ZBBX: variants seen among roughly 807,000 people sequenced by gnomAD.
ZBBX encodes zinc finger B-box domain containing.
ZBBX carries 101 observed loss-of-function variants against 108.5 expected under a neutral mutation model. The observed-to-expected ratio is 0.93, with a 90% CI of 0.79 to 1.10. The LOEUF (loss-of-function observed/expected upper bound fraction) is 1.10, where lower values mean the gene tolerates loss of function less well. ZBBX is among the 50% of genes least tolerant of loss of function. The probability of loss-of-function intolerance (pLI) is 0.00; values close to 1 mark genes in which losing one functional copy is unlikely to be tolerated. For synonymous variants in ZBBX, 356 were observed against 323.4 expected (o/e 1.10, Z -1.08); for missense variants, 1,009 against 941.4 (o/e 1.07, Z -0.94).
chr3:167,359,652 A>C (rs1442757374), intron 8 of ZBBX, among the ~76,000 whole-genome samples: 1 of 152,144 alleles, frequency 6.6e-6, no homozygotes, highest in Admixed American at 6.6e-5. Flanking sequence ...ATGTCTTTAA[A>C]CAAGAATGAG....
the ZBBX span, among the ~76,000 whole-genome samples, chr3:167,221,788 A>G: frequency 6.6e-6 from 1 of 152,030 alleles, no homozygotes; most frequent in African/African-American, 2.4e-5. Flanking sequence ...GAAGACATAC[A>G]TATGGCAAAA....
chr3:167,328,061 A>G lies in ZBBX; in HGVS notation c.743T>C (p.Leu248Ser). ...TTCTTCATCGAATGACCCTTCACAC[A>G]ACAGACTCTTTCTTGGTTTTGTACG... ...AQRTKPRKSLLCEGSFDEEAS... is the reference protein window; with the variant it reads ...AQRTKPRKSLSCEGSFDEEAS... The change falls in exon 11 of 22, where the codon TTG (leucine) becomes TCG (serine). Residue 248 changes from leucine to serine, a missense_variant. By Grantham distance (145) the Leu-to-Ser change is moderately radical (BLOSUM62 -2). Transcript: ENST00000675490. The G allele has an allele frequency of 6.2e-7, 1 of 1,613,964 alleles. No individual in the cohort carries two copies. Among genetic ancestry groups the G allele is most frequent in the Middle Eastern group, 1.6e-4 (1 of 6,062 alleles).
intron 20 of ZBBX, among the ~76,000 whole-genome samples, chr3:167,264,137 T>A (rs1476048340): frequency 6.6e-6 from 1 of 152,224 alleles, no homozygotes. Flanking sequence ...CAACACATCA[T>A]TGGGCTTTAT....
At chr3:167,246,281 A>G (rs1721558728) in intron 20 of ZBBX, among the ~76,000 whole-genome samples, 1 of 152,220 alleles carries the variant, frequency 6.6e-6, no homozygotes, top group Admixed American at 6.5e-5. Context: ...TAAAGCAAAA[A>G]GACTGTCATT....
At chr3:167,387,625 C>T (rs1323241078) in intron 1 of ZBBX, among the ~76,000 whole-genome samples, 1 of 151,944 alleles carries the variant, frequency 6.6e-6, no homozygotes, top group African/African-American at 2.4e-5. Context: ...ATACAAGGGA[C>T]TCAAGAGACG....
chr3:167,291,026 G>A (rs146578286), intron 18 of ZBBX, among the ~76,000 whole-genome samples: 5,776 of 152,024 alleles, frequency 0.038, 172 homozygotes, highest in Non-Finnish European at 0.056. Flanking sequence ...TGAAAGAAAC[G>A]AACAAAGCCT....
In ZBBX at chr3:167,252,052, C is replaced by T. The variant is rs1038228205; in HGVS notation, c.2255-9409G>A. ...GAAACTGTTTCCTTAAACACCTCTG[C>T]CCTTCTCAGGTACTTCTAGAATGGC... On this transcript the variant is annotated intron_variant, in intron 20 of 21. Transcript: ENST00000675490. The T allele has an allele frequency of 9.4e-6, 9 of 956,132 alleles. No homozygotes were observed. In the Admixed American group the frequency reaches 2.1e-4, roughly 22 times the overall value. 59.2% of individuals were successfully genotyped at this position (956,132 alleles called of 1,614,324 possible).
At chr3:167,387,513 A>G (rs1696243767) in intron 1 of ZBBX, among the ~76,000 whole-genome samples, 1 of 152,008 alleles carries the variant, frequency 6.6e-6, no homozygotes, top group Non-Finnish European at 1.5e-5. Context: ...GCGTGGGTGA[A>G]ATTACTGTTC....
chr3:167,272,522 C>T (rs933568257), intron 20 of ZBBX, among the ~76,000 whole-genome samples: 7 of 152,176 alleles, frequency 4.6e-5, no homozygotes, highest in East Asian at 1.9e-4. Flanking sequence ...CCGTCCACCC[C>T]GAAGTCATGG....
intron 8 of ZBBX, 105 bp from the exon 9 acceptor site, chr3:167,350,620 T>A: frequency 1.4e-6 from 1 of 725,166 alleles, no homozygotes; most frequent in Non-Finnish European, 2.1e-6. Flanking sequence ...ATTTCTCTAA[T>A]TAAATACCTA....
chr3:167,249,869 T>G (rs1722270130), intron 20 of ZBBX, among the ~76,000 whole-genome samples: 1 of 152,174 alleles, frequency 6.6e-6, no homozygotes, highest in South Asian at 2.1e-4. Flanking sequence ...TAAATAATCC[T>G]AAATGGGATC....
chr3:167,321,168 ATCT>A (rs1736374071), intron 12 of ZBBX, among the ~76,000 whole-genome samples: 1 of 151,992 alleles, frequency 6.6e-6, no homozygotes, highest in Non-Finnish European at 1.5e-5. Context: ...CCATCTGTAT[ATCT>A]TCTTTTCAAA....
chr3:167,192,437 TGAAA>T, the ZBBX span, among the ~76,000 whole-genome samples: 2 of 152,170 alleles, frequency 1.3e-5, no homozygotes, highest in African/African-American at 4.8e-5. Context: ...TTCAGGACTT[TGAAA>T]ACATCATTCT....
intron 1 of ZBBX, among the ~76,000 whole-genome samples, chr3:167,386,034 CA>C (rs1465971751): frequency 1.3e-5 from 2 of 151,822 alleles, no homozygotes; most frequent in Admixed American, 1.3e-4. Flanking sequence ...AACAGGAGTC[CA>C]AACTGAACCA....
At chr3:167,213,993 T>C in the ZBBX span, among the ~76,000 whole-genome samples, 1 of 152,146 alleles carries the variant, frequency 6.6e-6, no homozygotes, top group African/African-American at 2.4e-5. Context: ...TTTGAGGGAC[T>C]TCATTACCAG....
chr3:167,202,954 G>A, the ZBBX span, among the ~76,000 whole-genome samples: 13 of 152,080 alleles, frequency 8.5e-5, no homozygotes, highest in African/African-American at 3.1e-4. Context: ...TCATTAAAGT[G>A]TGATGCTTCC....
intron 1 of ZBBX, among the ~76,000 whole-genome samples, chr3:167,390,203 C>A (rs1748045866): frequency 6.6e-6 from 1 of 152,042 alleles, no homozygotes; most frequent in Admixed American, 6.5e-5. Context: ...TTTCCTAGCA[C>A]CATTTATTAA....
chr3:167,267,793 C>T (rs186936362), intron 20 of ZBBX, among the ~76,000 whole-genome samples: 36 of 152,216 alleles, frequency 2.4e-4, no homozygotes, highest in African/African-American at 6.0e-4. Context: ...ATCTAGCATC[C>T]GACAATGAAG....
intron 9 of ZBBX, among the ~76,000 whole-genome samples, chr3:167,345,272 C>G (rs552235055): frequency 2.0e-5 from 3 of 151,748 alleles, no homozygotes; most frequent in Non-Finnish European, 4.4e-5. Context: ...TAAAATTTAT[C>G]AGAAGATATG....
Sources: allele counts gnomAD v4.1 joint callset (sites outside exome capture counted in the v4.1 genomes callset), GRCh38; gene constraint gnomAD v4.1.1; transcripts MANE v1.5; gene names NCBI Gene and HGNC (gene_info 2026-07-23, HGNC 2026-07-21).